PPP1R1C: variants seen among roughly 807,000 people sequenced by gnomAD.
The protein encoded by PPP1R1C is protein phosphatase 1 regulatory subunit 1C.
In PPP1R1C, 15 loss-of-function variants were observed where a neutral mutation model predicts 17.4. That is an observed-to-expected ratio of 0.86 (90% CI 0.58 to 1.33). The LOEUF (loss-of-function observed/expected upper bound fraction) is 1.33. Ranked by LOEUF, PPP1R1C falls within the 40% of genes most tolerant of loss-of-function variation. The pLI, the probability that PPP1R1C is intolerant of heterozygous loss-of-function variation, is 0.00. For missense variants in PPP1R1C, 143 were observed against 130.0 expected (o/e 1.10, Z -0.48); for synonymous variants, 35 against 43.1 (o/e 0.81, Z 0.73).
intron 2 of PPP1R1C, among the ~76,000 whole-genome samples, chr2:182,025,171 T>G (rs1030912430): frequency 1.4e-5 from 2 of 147,672 alleles, no homozygotes; most frequent in Non-Finnish European, 3.0e-5. Context: ...CTCAAGTAAA[T>G]AAAATTATTA....
chr2:182,009,586 A>C, intron 2 of PPP1R1C, among the ~76,000 whole-genome samples: 1 of 151,944 alleles, frequency 6.6e-6, no homozygotes, highest in Non-Finnish European at 1.5e-5. Context: ...GTGTCTATTC[A>C]CTTTGTTTGT....
chr2:182,096,065 C>A (rs1356039500), intron 4 of PPP1R1C, among the ~76,000 whole-genome samples: 7 of 151,056 alleles, frequency 4.6e-5, no homozygotes, highest in African/African-American at 1.7e-4. Context: ...AAGCATAATA[C>A]ATTTATTTAA....
intron 4 of PPP1R1C, among the ~76,000 whole-genome samples, chr2:182,105,869 A>G (rs1689231987): frequency 6.6e-6 from 1 of 152,172 alleles, no homozygotes; most frequent in South Asian, 2.1e-4. Context: ...TGCCATCACA[A>G]TGTGCCATAA....
intron 2 of PPP1R1C, among the ~76,000 whole-genome samples, chr2:182,020,010 C>T (rs1574382413): frequency 6.6e-6 from 1 of 152,130 alleles, no homozygotes; most frequent in African/African-American, 2.4e-5. Flanking sequence ...AAACTACGAC[C>T]ATTTGAAACT....
chr2:182,115,507 G>A (rs1478801013), intron 4 of PPP1R1C, among the ~76,000 whole-genome samples: 1 of 152,072 alleles, frequency 6.6e-6, no homozygotes, highest in Non-Finnish European at 1.5e-5. Context: ...GGAGTTGTGA[G>A]GTTTAGTGAG....
Position 182,095,469 on chromosome 2 carries a change from A to G in PPP1R1C, c.242-21738A>G, listed in dbSNP as rs770938475. ...GGTCGTCATTTACAAAGTTCCCACC[A>G]TTCATTATTGTATCCCTAAACCCTA... On this transcript the variant is annotated intron_variant, in intron 4 of 4. Transcript: ENST00000682840. Among the ~76,000 whole-genome samples the G allele has an allele frequency of 3.7e-4, 57 of 152,262 alleles. No individual in the cohort carries two copies. The Middle Eastern group carries it at 0.014, about 37-fold the overall frequency.
At chr2:182,044,261 T>C (rs1298417374) in intron 2 of PPP1R1C, among the ~76,000 whole-genome samples, 2 of 152,186 alleles carry the variant, frequency 1.3e-5, no homozygotes, top group Non-Finnish European at 2.9e-5. Context: ...AAACCCTTCA[T>C]TGGTTTTCCA....
chr2:181,980,652 C>T (rs938237470), intron 2 of PPP1R1C, among the ~76,000 whole-genome samples: 16 of 152,170 alleles, frequency 1.1e-4, no homozygotes, highest in Admixed American at 2.6e-4. Context: ...TTGCTACAAA[C>T]TCTTCATGGG....
Position 182,029,527 on chromosome 2 carries a change from G to A in PPP1R1C, c.143-31915G>A, listed in dbSNP as rs1283998437. The stretch of plus-strand genomic sequence containing the variant: ...GTTGAAAATTCTTTTCTTTAAGAAT[G>A]TTGAATATTGGCCCCCACTCTCTTC... On this transcript the variant is annotated intron_variant, in intron 2 of 4. Transcript: ENST00000682840. 2.0e-5 allele frequency among the ~76,000 whole-genome samples: 3 copies of A among 147,956 alleles called. No individual in the cohort carries two copies. The South Asian group carries it at 6.6e-4, about 32-fold the overall frequency.
intron 2 of PPP1R1C, among the ~76,000 whole-genome samples, chr2:181,988,410 GA>G (rs1685363867): frequency 6.6e-6 from 1 of 152,236 alleles, no homozygotes; most frequent in South Asian, 2.1e-4. Context: ...CTGCCTATTT[GA>G]GAGCCATTCT....
intron 2 of PPP1R1C, among the ~76,000 whole-genome samples, chr2:181,978,677 G>A (rs1685141070): frequency 6.6e-6 from 1 of 152,064 alleles, no homozygotes; most frequent in Admixed American, 6.6e-5. Context: ...AATGAGCATG[G>A]CCTTTTATGA....
At chr2:182,092,961 C>T (rs1391103280) in intron 4 of PPP1R1C, among the ~76,000 whole-genome samples, 1 of 152,172 alleles carries the variant, frequency 6.6e-6, no homozygotes, top group East Asian at 1.9e-4. Context: ...AGGACGGTGG[C>T]CCTCTTCTGA....
chr2:182,067,761 G>A (rs113183237), intron 4 of PPP1R1C, among the ~76,000 whole-genome samples: 1 of 152,132 alleles, frequency 6.6e-6, no homozygotes, highest in African/African-American at 2.4e-5. Flanking sequence ...CACAGTTAAG[G>A]CAAGCCACAT....
chr2:181,966,878 T>C (rs980777839), intron 1 of PPP1R1C, among the ~76,000 whole-genome samples: 5 of 152,208 alleles, frequency 3.3e-5, no homozygotes, highest in African/African-American at 1.2e-4. Context: ...TTGAGTAGGA[T>C]TGGTATTAGT....
At position 181,968,832 on chromosome 2, in the gene PPP1R1C, T is replaced by C. The variant is rs148237185; in HGVS notation, n.112-6387T>C. Among the ~76,000 whole-genome samples, 286 of 152,288 alleles carry C rather than the reference T, an allele frequency of 1.9e-3. 1 individual carries two copies. The highest frequency in any genetic ancestry group is 4.4e-3 in the East Asian group (23 of 5,188). Reference sequence around the variant, plus strand: ...CTCTGGTTTTAAATTAAATTTTCTTTAATTTATTGCTTTTTATTTTTGTGT... The same window carrying C: ...CTCTGGTTTTAAATTAAATTTTCTTCAATTTATTGCTTTTTATTTTTGTGT... On this transcript the variant is annotated intron_variant and non_coding_transcript_variant, in intron 1 of 5. Coordinates refer to the PPP1R1C transcript ENST00000464264.
intron 2 of PPP1R1C, among the ~76,000 whole-genome samples, chr2:182,027,737 G>T (rs1274003637): frequency 1.3e-5 from 2 of 151,404 alleles, no homozygotes; most frequent in Admixed American, 6.6e-5. Flanking sequence ...AAATGAGTTA[G>T]GGAGGAGTCC....
chr2:182,105,080 G>GA (rs1246859108), intron 4 of PPP1R1C, among the ~76,000 whole-genome samples: 3 of 151,758 alleles, frequency 2.0e-5, no homozygotes, highest in Admixed American at 2.0e-4. Flanking sequence ...ATGAGGGGTG[G>GA]AAAAAAAATG....
downstream of PPP1R1C, among the ~76,000 whole-genome samples, chr2:182,122,239 AT>A (rs1689751089): frequency 2.0e-5 from 3 of 152,158 alleles, no homozygotes; most frequent in South Asian, 6.2e-4. Flanking sequence ...TTACTCACTA[AT>A]TTTTTTACCA....
chr2:182,123,656 GA>G (rs1274871767), intron 5 of PPP1R1C, among the ~76,000 whole-genome samples: 1 of 152,152 alleles, frequency 6.6e-6, no homozygotes, highest in African/African-American at 2.4e-5. Flanking sequence ...GTCTTCTTTT[GA>G]AAAGTGTCTG....
Sources: allele counts gnomAD v4.1 joint callset (sites outside exome capture counted in the v4.1 genomes callset), GRCh38; gene constraint gnomAD v4.1.1; transcripts MANE v1.5; gene names NCBI Gene and HGNC (gene_info 2026-07-23, HGNC 2026-07-21).